PIAS3: variants seen among roughly 807,000 people sequenced by gnomAD.
The protein encoded by PIAS3 is protein inhibitor of activated STAT 3.
Under a neutral mutation model 67.6 loss-of-function variants are expected in PIAS3, and 34 were observed. The observed-to-expected ratio is 0.50, with a 90% CI of 0.38 to 0.67. The LOEUF is 0.67. Ranked by LOEUF, PIAS3 falls within the 30% of genes least tolerant of loss-of-function variation. PIAS3 has a pLI of 0.00. For synonymous variants in PIAS3, 341 were observed against 313.8 expected (o/e 1.09, Z -0.92); for missense variants, 693 against 791.6 (o/e 0.88, Z 1.49).
rs781826222 is a variant in PIAS3 at position 145,853,651 on chromosome 1, C to A, written c.998G>T (p.Arg333Leu). Residue 333 changes from arginine to leucine, a missense_variant, in exon 9 of 14, where the codon CGC (arginine) becomes CTC (leucine). Arg to Leu is a moderately radical substitution (Grantham distance 102). Coordinates refer to ENST00000393045, the MANE Select transcript of PIAS3 (RefSeq NM_006099.3). ...GAGGGCACGACAAGGGACAGTCAGG[C>A]GCATCTTCCCTAGCTGAGGAGAAGC... Reference protein sequence around the residue: ...VSLMCPLGKMRLTVPCRALTC... With the variant: ...VSLMCPLGKMLLTVPCRALTC... The A allele has an allele frequency of 6.2e-7, 1 of 1,613,678 alleles. No individual in the cohort carries two copies. The highest frequency in any genetic ancestry group is 1.3e-5 in the African/African-American group (1 of 74,866).
intron 9 of PIAS3, among the ~76,000 whole-genome samples, chr1:145,851,679 C>T (rs1449178771): frequency 1.4e-5 from 2 of 145,346 alleles, no homozygotes; most frequent in African/African-American, 5.1e-5. Context: ...AAAAAAAAGC[C>T]GGCGTGGTGG....
chr1:145,858,768 A>G (rs377132938), intron 1 of PIAS3, among the ~76,000 whole-genome samples, 199 bp downstream of exon 1: 3 of 69,808 alleles, frequency 4.3e-5, no homozygotes, highest in Non-Finnish European at 5.9e-5. Flanking sequence ...CCACCCCTAC[A>G]TCTGCCCCGC....
intron 13 of PIAS3, 187 bp from the exon 14 acceptor site, chr1:145,849,899 G>A: frequency 6.9e-7 from 1 of 1,447,840 alleles, no homozygotes; most frequent in Non-Finnish European, 9.0e-7. Context: ...CCTGCCTTGA[G>A]AGAGCTCCTC....
chr1:145,853,381 G>T, intron 9 of PIAS3, 123 bp downstream of exon 9: 1 of 760,522 alleles, frequency 1.3e-6, no homozygotes, highest in Non-Finnish European at 2.0e-6. Flanking sequence ...CTGCACTCCA[G>T]CCTGGGGAAC....
intron 9 of PIAS3, 81 bp from the exon 10 acceptor site, chr1:145,851,234 G>A (rs369906201): frequency 3.1e-4 from 428 of 1,393,762 alleles, no homozygotes; most frequent in South Asian, 5.9e-4. Context: ...TCACCTTCCT[G>A]TATCTCAGTT....
At chr1:145,855,127 A>G (rs1323698058) in intron 5 of PIAS3, among the ~76,000 whole-genome samples, 2 of 152,130 alleles carry the variant, frequency 1.3e-5, no homozygotes, top group African/African-American at 4.8e-5. Flanking sequence ...AAAGGAACTC[A>G]CTGAGTCCCT....
intron 13 of PIAS3, 100 bp from the exon 14 acceptor site, chr1:145,849,812 T>C (rs1417076845): frequency 7.4e-6 from 11 of 1,492,484 alleles, no homozygotes; most frequent in Non-Finnish European, 8.9e-6. Flanking sequence ...TCAACCCCTG[T>C]GGATCCGAAG....
chr1:145,850,820 G>C lies in PIAS3; in HGVS notation c.1399C>G (p.His467Asp), dbSNP rs1553734126. The change falls in exon 11 of 14, where the codon CAC (histidine) becomes GAC (aspartate). Residue 467 changes from histidine (H) to aspartate (D), a missense_variant. Transcript: ENST00000393045. ...ATGGCAGCTGAGGTGACAGAACAGT[G>C]CTTCTTGGTAGGGGGCAGATCCTCC... ...DEEDLPPTKK[H>D]CSVTSAAIPA... 1 of 1,614,264 alleles carries C rather than the reference G, an allele frequency of 6.2e-7. No individual in the cohort carries two copies.
intron 5 of PIAS3, 33 bp downstream of exon 5, chr1:145,855,703 G>A: frequency 9.1e-7 from 1 of 1,097,534 alleles, no homozygotes; most frequent in South Asian, 1.4e-5. Flanking sequence ...AAACGGTAAG[G>A]GATTACTGAC....
In PIAS3 at chr1:145,854,824, G is replaced by C; in HGVS notation, c.726C>G (p.Ile242Met). 1 of 1,614,218 alleles carries C rather than the reference G, an allele frequency of 6.2e-7. No individual in the cohort carries two copies. Reference protein sequence around the residue: ...GAEPKRPSRPINITPLARLSA... With the variant: ...GAEPKRPSRPMNITPLARLSA... ...AGAGTCGAGCCAGGGGTGTGATGTT[G>C]ATGGGGCGGCTGGGCCTCTTGGGCT... The change falls in exon 6 of 14, where the codon ATC becomes ATG. Residue 242 changes from isoleucine to methionine, a missense_variant. Physicochemically the swap from Ile to Met is conservative, Grantham distance 10. Transcript: ENST00000393045.
chr1:145,853,771 C>T (rs1553734871), intron 8 of PIAS3, 42 bp downstream of exon 8: 5 of 1,609,146 alleles, frequency 3.1e-6, no homozygotes, highest in Non-Finnish European at 4.3e-6. Flanking sequence ...AGGCTAAACC[C>T]AACTCCCTTC....
At chr1:145,854,665 T>A (rs1202965503) in intron 6 of PIAS3, 81 bp downstream of exon 6, 3 of 1,603,196 alleles carry the variant, frequency 1.9e-6, no homozygotes, top group Non-Finnish European at 2.6e-6. Context: ...AAGAGGAAAA[T>A]GCTTCCCCAA....
In PIAS3 at chr1:145,855,820, A is replaced by G; in HGVS notation, c.585T>C (p.Cys195=). 4.4e-6 allele frequency: 7 copies of G among 1,592,230 alleles called. No homozygotes were observed. In the South Asian group the frequency reaches 6.6e-5, roughly 15 times the overall value. Residue 195 remains cysteine, a synonymous_variant, in exon 5 of 14, where the codon TGT becomes TGC. Coordinates refer to ENST00000393045, the MANE Select transcript of PIAS3 (RefSeq NM_006099.3). The part of the protein sequence containing the change: ...DYTIQVQLRF[C]LCETSCPQED... ...CCTGGGGGCAGCTGGTCTCACAGAG[A>G]CAGAACCTGGTAAGAGATGAGAAAG... is the stretch of plus-strand genomic sequence containing the variant.
At position 145,853,562 on chromosome 1, in the gene PIAS3, T is replaced by C; in HGVS notation, c.1087A>G (p.Thr363Ala). The change falls in exon 9 of 14, where the codon ACA becomes GCA. Residue 363 changes from threonine to alanine, a missense_variant. This residue lies in a region of PIAS3 where 115 missense variants were observed against 181.8 expected (regional missense o/e 0.63). Transcript: ENST00000393045. ...TTGTCACACACAGGACATGTCCATG[T>C]AGGCTTCTTCTCATTCATCTGTAGA... Reference protein sequence around the residue: ...LYLQMNEKKPTWTCPVCDKKA... With the variant: ...LYLQMNEKKPAWTCPVCDKKA... The C allele has an allele frequency of 6.2e-7, 1 of 1,614,124 alleles. No homozygotes were observed. Among genetic ancestry groups the C allele is most frequent in the African/African-American group, 1.3e-5 (1 of 75,030 alleles).
In PIAS3 at chr1:145,853,526, A is replaced by C; in HGVS notation, c.1123T>G (p.Tyr375Asp). The C allele has an allele frequency of 1.2e-6, 2 of 1,612,966 alleles. No homozygotes were observed. Among genetic ancestry groups the C allele is most frequent in the Non-Finnish European group, 1.7e-6 (2 of 1,179,514 alleles). The stretch of plus-strand genomic sequence containing the variant: ...TACCCATCAATGATAAGAGATTCAT[A>C]GGGAGCCTTCTTGTCACACACAGGA... ...TCPVCDKKAPYESLIIDGLFM... is the reference protein window; with the variant it reads ...TCPVCDKKAPDESLIIDGLFM... The change falls in exon 9 of 14, where the codon TAT becomes GAT. Residue 375 changes from tyrosine to aspartate, a missense_variant. Physicochemically the swap from Tyr to Asp is radical, Grantham distance 160. Transcript: ENST00000393045.
intron 9 of PIAS3, among the ~76,000 whole-genome samples, chr1:145,851,655 C>CAA (rs1188623126): frequency 1.1e-3 from 47 of 41,716 alleles, no homozygotes; most frequent in African/African-American, 2.8e-3. Flanking sequence ...GGCTCTGCCT[C>CAA]AAAAAAAAAA....
In PIAS3 at chr1:145,856,110, A is replaced by C. The variant is rs782103121; in HGVS notation, c.536T>G (p.Leu179Arg). ...GGTATAATCACATTTGGCTCCTGGC[A>C]GAACCTCTCTGTAACAGGGAGGGAG... ...VQQILTSREVLPGAKCDYTIQ... is the reference protein window; with the variant it reads ...VQQILTSREVRPGAKCDYTIQ... The change falls in exon 4 of 14, where the codon CTG (leucine) becomes CGG (arginine). Residue 179 changes from leucine to arginine, a missense_variant. Physicochemically the swap from Leu to Arg is moderately radical, Grantham distance 102. This residue lies in a region of PIAS3 where 308 missense variants were observed against 348.8 expected (regional missense o/e 0.88). Coordinates refer to ENST00000393045, the MANE Select transcript of PIAS3 (RefSeq NM_006099.3). 8.1e-6 allele frequency: 13 copies of C among 1,613,892 alleles called. No homozygotes were observed. The highest frequency in any genetic ancestry group is 1.6e-4 in the Middle Eastern group (1 of 6,062).
intron 13 of PIAS3, 110 bp downstream of exon 13, chr1:145,850,122 C>T (rs914389014): frequency 6.0e-5 from 95 of 1,577,452 alleles, no homozygotes; most frequent in South Asian, 2.3e-5. Context: ...ACTGCCCTCA[C>T]GGGAAAGCAG....
Position 145,859,051 on chromosome 1 carries a change from ACT to A in PIAS3, c.-63_-62del, listed in dbSNP as rs1172435312. 6 of 1,501,164 alleles carry A rather than the reference ACT, an allele frequency of 4.0e-6. No homozygotes were observed. Among genetic ancestry groups the A allele is most frequent in the Non-Finnish European group, 5.4e-6 (6 of 1,119,844 alleles). 93.0% of individuals were successfully genotyped at this position (1,501,164 alleles called of 1,614,324 possible). On this transcript the variant is annotated 5_prime_UTR_variant, in exon 1 of 14. Transcript: ENST00000393045. Reference sequence around the variant, plus strand: ...GCTCAGGCCCAGGGACCGGCGCACAACTCTCCACCCTGGCGCCGGCCGCAAAT... The same window carrying A: ...GCTCAGGCCCAGGGACCGGCGCACAACTCCACCCTGGCGCCGGCCGCAAAT...
Sources: allele counts gnomAD v4.1 joint callset (sites outside exome capture counted in the v4.1 genomes callset), GRCh38; gene constraint gnomAD v4.1.1; regional missense constraint gnomAD v4.1.1; transcripts MANE v1.5; gene names NCBI Gene and HGNC (gene_info 2026-07-23, HGNC 2026-07-21).